COMMD10: variants seen among roughly 807,000 people sequenced by gnomAD.
COMMD10 encodes COMM domain-containing protein 10.
A neutral mutation model predicts 28.9 loss-of-function variants in COMMD10; 33 were observed. The ratio of observed to expected loss-of-function variants is 1.14; its 90% CI spans 0.87 to 1.53. The LOEUF (loss-of-function observed/expected upper bound fraction) is 1.53. COMMD10 is among the 40% of genes most tolerant of loss of function. The pLI is 0.00. For synonymous variants in COMMD10, 110 were observed against 81.7 expected, an observed-to-expected ratio of 1.35 and a Z score of -1.87; for missense variants, 310 against 233.4, an observed-to-expected ratio of 1.33 and a Z score of -2.14.
chr5:116,253,731 T>C (rs1314102695), intron 5 of COMMD10, among the ~76,000 whole-genome samples: 2 of 149,394 alleles, frequency 1.3e-5, no homozygotes, highest in Non-Finnish European at 3.0e-5. Flanking sequence ...GCATCAATGT[T>C]CATCAAGGAT....
intron 5 of COMMD10, among the ~76,000 whole-genome samples, chr5:116,150,838 A>G (rs573954357): frequency 7.1e-6 from 1 of 140,212 alleles, no homozygotes; most frequent in East Asian, 2.0e-4. Context: ...TCCTAATTGA[A>G]TACCCTTTAT....
At chr5:116,209,569 T>A (rs2112632036) in intron 5 of COMMD10, among the ~76,000 whole-genome samples, 1 of 152,298 alleles carries the variant, frequency 6.6e-6, no homozygotes, top group African/African-American at 2.4e-5. Flanking sequence ...ATGGCTAGTA[T>A]GTGTGGTACT....
chr5:116,256,989 A>T (rs927042641), intron 5 of COMMD10, among the ~76,000 whole-genome samples: 1 of 151,818 alleles, frequency 6.6e-6, no homozygotes, highest in Non-Finnish European at 1.5e-5. Flanking sequence ...ACTAAGCAGC[A>T]TAATAGCATC....
intron 5 of COMMD10, among the ~76,000 whole-genome samples, chr5:116,268,286 T>A (rs543150800): frequency 6.6e-6 from 1 of 151,336 alleles, no homozygotes; most frequent in Non-Finnish European, 1.5e-5. Flanking sequence ...AAAAAGTGGG[T>A]GAAGGATATG....
chr5:116,175,749 A>G (rs10062295), intron 5 of COMMD10, among the ~76,000 whole-genome samples: 1 of 152,016 alleles, frequency 6.6e-6, no homozygotes, highest in African/African-American at 2.4e-5. Flanking sequence ...GAAGACATTC[A>G]GCTAAGTAAA....
chr5:116,152,282 TAGA>T (rs1265368398), intron 5 of COMMD10, among the ~76,000 whole-genome samples: 1 of 152,080 alleles, frequency 6.6e-6, no homozygotes, highest in Non-Finnish European at 1.5e-5. Context: ...TAAATGAATA[TAGA>T]AGAAGAATAC....
At chr5:116,247,984 T>G (rs1385240503) in intron 5 of COMMD10, among the ~76,000 whole-genome samples, 1 of 151,834 alleles carries the variant, frequency 6.6e-6, no homozygotes, top group African/African-American at 2.4e-5. Context: ...TAACACAATA[T>G]CAAAATTTTA....
intron 4 of COMMD10, among the ~76,000 whole-genome samples, chr5:116,109,124 C>T (rs146871935): frequency 4.6e-5 from 7 of 152,222 alleles, no homozygotes; most frequent in African/African-American, 4.8e-5. Context: ...AGCTACAGAC[C>T]GGAGCTGTTT....
At chr5:116,161,524 A>G (rs1752916480) in intron 5 of COMMD10, among the ~76,000 whole-genome samples, 2 of 152,144 alleles carry the variant, frequency 1.3e-5, no homozygotes, top group Non-Finnish European at 1.5e-5. Context: ...CTTTATTACT[A>G]GTTGCCTACT....
chr5:116,183,482 T>G (rs1748041097), intron 5 of COMMD10, among the ~76,000 whole-genome samples: 2 of 152,116 alleles, frequency 1.3e-5, no homozygotes, highest in Non-Finnish European at 2.9e-5. Flanking sequence ...CAAGGGACTG[T>G]TAGGAGGACT....
At chr5:116,123,438 A>C (rs2112755237) in intron 4 of COMMD10, among the ~76,000 whole-genome samples, 1 of 152,270 alleles carries the variant, frequency 6.6e-6, no homozygotes, top group South Asian at 2.1e-4. Flanking sequence ...TGTGGTGGAT[A>C]AACTTTTTGA....
intron 5 of COMMD10, among the ~76,000 whole-genome samples, chr5:116,149,362 T>G (rs1455098370): frequency 7.0e-6 from 1 of 142,374 alleles, no homozygotes; most frequent in South Asian, 2.3e-4. Context: ...GTCCTTTGGG[T>G]ATATACCGAG....
At chr5:116,141,258 C>A (rs1395998664) in intron 5 of COMMD10, among the ~76,000 whole-genome samples, 1 of 151,638 alleles carries the variant, frequency 6.6e-6, no homozygotes, top group East Asian at 1.9e-4. Context: ...TATTTCTGGG[C>A]TCTCTATAGT....
At chr5:116,219,749 C>A (rs1462136604) in intron 5 of COMMD10, among the ~76,000 whole-genome samples, 2 of 152,144 alleles carry the variant, frequency 1.3e-5, no homozygotes, top group Non-Finnish European at 2.9e-5. Flanking sequence ...GTAACTAATG[C>A]AAATAGCTGC....
chr5:116,127,025 A>C (rs937428117), intron 4 of COMMD10, among the ~76,000 whole-genome samples: 2 of 152,250 alleles, frequency 1.3e-5, no homozygotes, highest in African/African-American at 4.8e-5. Flanking sequence ...CAATCTACCC[A>C]ACTGACAAAG....
At chr5:116,288,304 A>G (rs181488951) in intron 5 of COMMD10, among the ~76,000 whole-genome samples, 1 of 151,960 alleles carries the variant, frequency 6.6e-6, no homozygotes, top group Admixed American at 6.5e-5. Context: ...TTCTGCTGAG[A>G]AATTTGCTGA....
intron 5 of COMMD10, among the ~76,000 whole-genome samples, chr5:116,189,662 T>C (rs1335242249): frequency 1.3e-5 from 2 of 152,214 alleles, no homozygotes; most frequent in African/African-American, 4.8e-5. Flanking sequence ...TGATTAATTT[T>C]TTATAGCCAC....
At chr5:116,266,480 T>A (rs1750587220) in intron 5 of COMMD10, among the ~76,000 whole-genome samples, 1 of 151,842 alleles carries the variant, frequency 6.6e-6, no homozygotes, top group African/African-American at 2.4e-5. Context: ...TTTTTACATC[T>A]AATCTTAACA....
chr5:116,211,543 C>T lies in COMMD10; in HGVS notation c.510+77365C>T, dbSNP rs79561232. 0.015 allele frequency among the ~76,000 whole-genome samples: 2,243 copies of T among 152,156 alleles called. 117 individuals are homozygous for T. The East Asian group carries it at 0.17, about 11-fold the overall frequency. On this transcript the variant is annotated intron_variant, in intron 5 of 6. Coordinates refer to ENST00000274458, the MANE Select transcript of COMMD10 (RefSeq NM_016144.4). ...TGGGGCCACCATTGTATGTGCAGTTCATCATTGACCAAAACATCATTATTC... is the reference window on the plus strand; with the variant it reads ...TGGGGCCACCATTGTATGTGCAGTTTATCATTGACCAAAACATCATTATTC...
Sources: gnomAD v4.1 joint callset for allele counts (sites outside exome capture counted in the v4.1 genomes callset) on GRCh38, gnomAD v4.1.1 for gene constraint, MANE v1.5 for transcripts, NCBI Gene and HGNC (gene_info 2026-07-23, HGNC 2026-07-21) for gene names.